Variants in SNAP23 observed in about 807,000 individuals in gnomAD.
SNAP23 encodes the protein synaptosome associated protein 23, also known as synaptosomal-associated protein 23.
In SNAP23, 11 loss-of-function variants were observed where a neutral mutation model predicts 29.0. The ratio of observed to expected loss-of-function variants is 0.38; its 90% CI spans 0.24 to 0.63. The LOEUF is 0.63. SNAP23 is among the 20% of genes least tolerant of loss of function. The pLI is 0.58. For missense variants in SNAP23, 220 were observed against 253.9 expected (o/e 0.87, Z 0.91); for synonymous variants, 60 against 82.9 (o/e 0.72, Z 1.50).
intron 1 of SNAP23, among the ~76,000 whole-genome samples, chr15:42,499,606 A>G (rs1003357936): frequency 1.3e-5 from 2 of 152,096 alleles, no homozygotes; most frequent in African/African-American, 4.8e-5. Flanking sequence ...GTTTTTATGT[A>G]TTTTATAGCT....
chr15:42,494,920 A>T (rs2057203856), upstream of SNAP23, among the ~76,000 whole-genome samples: 2 of 152,188 alleles, frequency 1.3e-5, no homozygotes, highest in Non-Finnish European at 2.9e-5. Context: ...CATCTGCTTA[A>T]AACTCTTCAA....
intron 1 of SNAP23, among the ~76,000 whole-genome samples, chr15:42,502,594 A>C (rs1299414330): frequency 6.6e-6 from 1 of 152,222 alleles, no homozygotes; most frequent in African/African-American, 2.4e-5. Flanking sequence ...GTTTCGGTGA[A>C]TATTTCATTC....
At chr15:42,504,865 T>C (rs777444824) in intron 1 of SNAP23, among the ~76,000 whole-genome samples, 1 of 152,198 alleles carries the variant, frequency 6.6e-6, no homozygotes, top group Non-Finnish European at 1.5e-5. Flanking sequence ...ATGCATTGGT[T>C]ACCATGGACG....
At chr15:42,526,515 C>T (rs1229913734) in intron 5 of SNAP23, among the ~76,000 whole-genome samples, 2 of 152,226 alleles carry the variant, frequency 1.3e-5, no homozygotes, top group East Asian at 3.9e-4. Context: ...GTCTAAGATT[C>T]AATTCTAGGT....
At chr15:42,493,371 T>C (rs1356803953), upstream of SNAP23, among the ~76,000 whole-genome samples, 1 of 151,918 alleles carries the variant, frequency 6.6e-6, no homozygotes, top group Non-Finnish European at 1.5e-5. Context: ...TATATACATA[T>C]ATGTGTGTGC....
intron 5 of SNAP23, among the ~76,000 whole-genome samples, chr15:42,519,933 C>A (rs1319014578): frequency 6.6e-6 from 1 of 151,934 alleles, no homozygotes; most frequent in East Asian, 1.9e-4. Context: ...TAATTTAATC[C>A]TTAAACAGTA....
At chr15:42,497,151 C>T (rs564487634) in intron 1 of SNAP23, among the ~76,000 whole-genome samples, 1 of 150,670 alleles carries the variant, frequency 6.6e-6, no homozygotes, top group African/African-American at 2.4e-5. Context: ...GATTCTCCTC[C>T]CTCACACTCC....
chr15:42,529,618 C>G (rs2057541951), intron 6 of SNAP23, 57 bp from the exon 7 acceptor site: 1 of 1,573,598 alleles, frequency 6.4e-7, no homozygotes, highest in Non-Finnish European at 8.6e-7. Flanking sequence ...AAAAGTAAAT[C>G]CAGACTTTTA....
At position 42,531,502 on chromosome 15, in the gene SNAP23, AT is replaced by A; in HGVS notation, c.*27del. ...AAAGCTACTGCTGTTCTTCTTTATC[AT>A]TTATTCACTTCCGTAGCTCCTCCTT... On this transcript the variant is annotated 3_prime_UTR_variant, in exon 8 of 8. Coordinates refer to ENST00000249647, the MANE Select transcript of SNAP23 (RefSeq NM_003825.4). 1 of 1,569,668 alleles carries A rather than the reference AT, an allele frequency of 6.4e-7. No homozygotes were observed. Among genetic ancestry groups the A allele is most frequent in the Non-Finnish European group, 8.7e-7 (1 of 1,148,678 alleles).
At chr15:42,528,028 T>C (rs2057519769) in intron 5 of SNAP23, 1 of 425,130 alleles carries the variant, frequency 2.4e-6, no homozygotes, top group Admixed American at 3.6e-5. Flanking sequence ...GAAGATTTGG[T>C]AGAAGTAGTA....
intron 2 of SNAP23, among the ~76,000 whole-genome samples, chr15:42,512,613 G>A (rs995577945): frequency 5.3e-5 from 8 of 151,994 alleles, no homozygotes; most frequent in African/African-American, 1.4e-4. Context: ...TTCTGACCTC[G>A]TGATCCGCCC....
At chr15:42,517,645 G>A (rs531875903) in intron 5 of SNAP23, among the ~76,000 whole-genome samples, 1 of 152,276 alleles carries the variant, frequency 6.6e-6, no homozygotes, top group African/African-American at 2.4e-5. Context: ...ACAAGGTAGG[G>A]TATGGTCCTG....
intron 2 of SNAP23, among the ~76,000 whole-genome samples, chr15:42,512,630 G>A (rs1489977102): frequency 1.3e-5 from 2 of 152,098 alleles, no homozygotes; most frequent in African/African-American, 4.8e-5. Flanking sequence ...GCCCACCTCA[G>A]CCTCCCAAAG....
chr15:42,504,340 CAAATA>C (rs1416177692), intron 1 of SNAP23, among the ~76,000 whole-genome samples: 2 of 151,600 alleles, frequency 1.3e-5, no homozygotes, highest in East Asian at 1.9e-4. Context: ...GACTCCGTCT[CAAATA>C]AAATAAAGTA....
Position 42,503,368 on chromosome 15 carries a change from ATT to A in SNAP23, c.-15+7673_-15+7674del, listed in dbSNP as rs5812222. ...AGGTGCCCGCCACCACGCCTGGCTA[ATT>A]TTTTTTTTTTTTTTTTTGAGATGGT... is the stretch of plus-strand genomic sequence containing the variant. On this transcript the variant is annotated intron_variant, in intron 1 of 7. Coordinates refer to ENST00000249647, the MANE Select transcript of SNAP23 (RefSeq NM_003825.4). 6.6e-3 allele frequency among the ~76,000 whole-genome samples: 764 copies of A among 116,250 alleles called. 7 individuals carry two copies. Among genetic ancestry groups the A allele is most frequent in the African/African-American group, 0.017 (545 of 32,046 alleles). The allele number at this position is 116,250 out of a possible 152,430, so 76.3% of individuals were successfully genotyped here.
chr15:42,518,576 C>T (rs2057417536), intron 5 of SNAP23, among the ~76,000 whole-genome samples: 1 of 151,740 alleles, frequency 6.6e-6, no homozygotes, highest in Admixed American at 6.6e-5. Flanking sequence ...CATGCCACCA[C>T]ACCCAGCTAA....
intron 1 of SNAP23, among the ~76,000 whole-genome samples, chr15:42,499,664 C>G (rs2057252226): frequency 6.6e-6 from 1 of 152,032 alleles, no homozygotes; most frequent in African/African-American, 2.4e-5. Flanking sequence ...ATATATAACT[C>G]TTTCATATGT....
At chr15:42,518,985 CA>C (rs1374635812) in intron 5 of SNAP23, among the ~76,000 whole-genome samples, 2 of 152,014 alleles carry the variant, frequency 1.3e-5, no homozygotes, top group African/African-American at 4.8e-5. Flanking sequence ...ACCTCAGCCT[CA>C]TGAGTAGCTG....
upstream of SNAP23, among the ~76,000 whole-genome samples, chr15:42,493,953 C>G (rs1371953209): frequency 1.3e-5 from 2 of 152,140 alleles, no homozygotes; most frequent in East Asian, 3.9e-4. Flanking sequence ...CTTCCAAAAC[C>G]ATTATTCTTA....
Sources: gnomAD v4.1 joint callset for allele counts (sites outside exome capture counted in the v4.1 genomes callset) on GRCh38, gnomAD v4.1.1 for gene constraint, MANE v1.5 for transcripts, NCBI Gene and HGNC (gene_info 2026-07-23, HGNC 2026-07-21) for gene names.